The following ABCC10 variants were observed in gnomAD, a reference collection of about 807,000 sequenced individuals.
The protein encoded by ABCC10 is ATP-binding cassette sub-family C member 10.
In ABCC10, 110 loss-of-function variants were observed where a neutral mutation model predicts 143.2. That is an observed-to-expected ratio of 0.77 (90% CI 0.66 to 0.90). ABCC10 has a LOEUF of 0.90. ABCC10 is among the 40% of genes least tolerant of loss of function. The pLI is 0.00. For synonymous variants in ABCC10, 805 were observed against 846.7 expected (o/e 0.95, Z 0.85); for missense variants, 1,700 against 1,900.5 (o/e 0.89, Z 1.96).
At chr6:43,451,208 G>A (rs1040040579), downstream of ABCC10, 1 of 1,614,200 alleles carries the variant, frequency 6.2e-7, no homozygotes, top group East Asian at 2.2e-5. The surrounding 1 kb of genome is among the most constrained non-coding windows in gnomAD (Gnocchi z 4.4). Flanking sequence ...CCACCAAGCA[G>A]CGGCACGTGA....
chr6:43,435,681 C>A, intron 4 of ABCC10, 70 bp from the exon 5 acceptor site: 1 of 1,557,112 alleles, frequency 6.4e-7, no homozygotes. Context: ...TAGACCTGTC[C>A]ACAGGGCTTC....
At chr6:43,451,768 A>C (rs1014724495), downstream of ABCC10, among the ~76,000 whole-genome samples, 2 of 152,158 alleles carry the variant, frequency 1.3e-5, no homozygotes, top group Non-Finnish European at 2.9e-5. This position sits in a 1 kb window ranked among gnomAD's most constrained non-coding sequence, Gnocchi z 4.4. Flanking sequence ...ACAAAAAAAA[A>C]AGTTGAGAAA....
rs1215005943 is a variant in ABCC10 at position 43,428,131 on chromosome 6, C to T, written c.153C>T (p.Gly51=). 1 of 1,537,132 alleles carries T rather than the reference C, an allele frequency of 6.5e-7. No individual in the cohort carries two copies. The highest frequency in any genetic ancestry group is 2.0e-5 in the Admixed American group (1 of 50,756). Residue 51 remains glycine, a synonymous_variant, in exon 2 of 22, where the codon GGC becomes GGT. Transcript: ENST00000372530. ...LLAVLSACYL[G]TPRSPDYILP... is the part of the protein sequence containing the mutation. Reference sequence around the variant, plus strand: ...CCGTGCTCAGTGCCTGTTACTTGGGCACCCCGAGGTGGGTAGAGACGGGCG... The same window carrying T: ...CCGTGCTCAGTGCCTGTTACTTGGGTACCCCGAGGTGGGTAGAGACGGGCG...
In ABCC10 at chr6:43,428,039, G is replaced by A. The variant is rs1413662600; in HGVS notation, c.61G>A (p.Glu21Lys). ...SSAAWPLPLW[E>K]GDTTGHCFTQ... Reference sequence around the variant, plus strand: ...CGCAGCGTGGCCGCTCCCGCTGTGGGAGGGGGACACCACAGGCCACTGCTT... The same window carrying A: ...CGCAGCGTGGCCGCTCCCGCTGTGGAAGGGGGACACCACAGGCCACTGCTT... Residue 21 changes from glutamate to lysine, a missense_variant, in exon 2 of 22, where the codon GAG becomes AAG. Transcript: ENST00000372530. 2 of 1,603,688 alleles carry A rather than the reference G, an allele frequency of 1.2e-6. No individual in the cohort carries two copies. Among genetic ancestry groups the A allele is most frequent in the Non-Finnish European group, 1.7e-6 (2 of 1,176,134 alleles).
chr6:43,447,928 C>T lies in ABCC10; in HGVS notation c.3950C>T (p.Ala1317Val), dbSNP rs1231013885. ...DGVDTSQLELAQLRSQLAIIP... is the reference protein window; with the variant it reads ...DGVDTSQLELVQLRSQLAIIP... ...GTGGACACCAGCCAGCTGGAGCTGG[C>T]CCAGCTCAGGTCTGGGGGAGATGGA... is the stretch of plus-strand genomic sequence containing the variant. Residue 1317 changes from alanine (A) to valine (V), a missense_variant, in exon 18 of 22, where the codon GCC becomes GTC. Physicochemically the swap from Ala to Val is moderately conservative, Grantham distance 64. Coordinates refer to ENST00000372530, the MANE Select transcript of ABCC10 (RefSeq NM_001198934.2). The T allele has an allele frequency of 6.2e-7, 1 of 1,613,088 alleles. No individual in the cohort carries two copies. The highest frequency in any genetic ancestry group is 8.5e-7 in the Non-Finnish European group (1 of 1,179,988).
In ABCC10 at chr6:43,447,708, G is replaced by A. The variant is rs771655318; in HGVS notation, c.3730G>A (p.Gly1244Arg). 10 of 1,614,018 alleles carry A rather than the reference G, an allele frequency of 6.2e-6. No homozygotes were observed. The highest frequency in any genetic ancestry group is 1.6e-4 in the Middle Eastern group (1 of 6,084). Residue 1244 changes from glycine (G) to arginine (R), a missense_variant, in exon 18 of 22, where the codon GGG becomes AGG. Coordinates refer to ENST00000372530, the MANE Select transcript of ABCC10 (RefSeq NM_001198934.2). The stretch of plus-strand genomic sequence containing the variant: ...GCTGGGCACCGGCTGGCTGACCCAG[G>A]GGGGCGTGGAGTTCCAGGACGTGGT... ...LQLGTGWLTQ[G>R]GVEFQDVVLA... is the part of the protein sequence containing the mutation.
chr6:43,447,237 C>A lies in ABCC10; in HGVS notation c.3545-11C>A. On this transcript the variant is annotated splice_polypyrimidine_tract_variant and intron_variant, in intron 16 of 21. Coordinates refer to ENST00000372530, the MANE Select transcript of ABCC10 (RefSeq NM_001198934.2). The stretch of plus-strand genomic sequence containing the variant: ...CAAGCTCTCCCAGCAGCTGGTACTT[C>A]TCTCCCCCAGGGCTGGTGGGCTTGT... 1 of 1,610,796 alleles carries A rather than the reference C, an allele frequency of 6.2e-7. No individual in the cohort carries two copies. Among genetic ancestry groups the A allele is most frequent in the Non-Finnish European group, 8.5e-7 (1 of 1,178,640 alleles).
At chr6:43,438,148 T>G in intron 7 of ABCC10, 135 bp downstream of exon 7, 1 of 1,079,862 alleles carries the variant, frequency 9.3e-7, no homozygotes, top group Non-Finnish European at 1.3e-6. Flanking sequence ...TGGGAGAGTT[T>G]TCAATCTGGA....
chr6:43,448,570 G>A (rs1193864011), intron 18 of ABCC10, among the ~76,000 whole-genome samples: 1 of 152,182 alleles, frequency 6.6e-6, no homozygotes, highest in African/African-American at 2.4e-5. Flanking sequence ...GCCACCCCTG[G>A]AGTCAGTGCC....
At chr6:43,442,054 TTAGC>T in intron 9 of ABCC10, 94 bp downstream of exon 9, 3 of 1,088,160 alleles carry the variant, frequency 2.8e-6, no homozygotes, top group Non-Finnish European at 4.1e-6. Flanking sequence ...AATATTTTCC[TTAGC>T]ATCTGGTTCC....
chr6:43,446,010 G>A (rs576626835), intron 15 of ABCC10, 68 bp downstream of exon 15: 3 of 1,491,472 alleles, frequency 2.0e-6, no homozygotes, highest in South Asian at 2.5e-5. Flanking sequence ...CCCAAGAAGA[G>A]GAATATGCAG....
chr6:43,444,123 C>A lies in ABCC10; in HGVS notation c.2495-36C>A, dbSNP rs771192515. 3.7e-6 allele frequency: 6 copies of A among 1,610,966 alleles called. No homozygotes were observed. The African/African-American group carries it at 4.0e-5, about 11-fold the overall frequency. ...TACTGAGTTTTCAGCTGGCACCCTG[C>A]AAGCTTAATTCTTCCATGACCCCTG... On this transcript the variant is annotated intron_variant, in intron 11 of 21. Transcript: ENST00000372530.
intron 6 of ABCC10, among the ~76,000 whole-genome samples, chr6:43,436,734 T>C (rs1453733671): frequency 6.6e-6 from 1 of 152,188 alleles, no homozygotes; most frequent in African/African-American, 2.4e-5. Flanking sequence ...CAACTCCTGT[T>C]CACCTCCTGT....
At chr6:43,440,877 T>C (rs2499404) in intron 8 of ABCC10, among the ~76,000 whole-genome samples, 4 of 135,274 alleles carry the variant, frequency 3.0e-5, no homozygotes, top group Non-Finnish European at 6.1e-5. Flanking sequence ...AAAAAAAAAA[T>C]ACCAGACCAC....
rs748925933 is a variant in ABCC10, at chr6:43,444,863, C to T, written c.2765C>T (p.Ala922Val). 16 of 1,613,898 alleles carry T rather than the reference C, an allele frequency of 9.9e-6. No homozygotes were observed. Among genetic ancestry groups the T allele is most frequent in the South Asian group, 3.3e-5 (3 of 91,070 alleles). Residue 922 changes from alanine to valine, a missense_variant, in exon 13 of 22, where the codon GCG becomes GTG. By Grantham distance (64) the Ala-to-Val change is moderately conservative. Transcript: ENST00000372530. ...AAGGCTGAGAATAGCTCCCAGGAGG[C>T]GCAACCCTCCACCAGCCCAGCTTCT... Reference protein sequence around the residue: ...QLKAENSSQEAQPSTSPASMG... With the variant: ...QLKAENSSQEVQPSTSPASMG...
At chr6:43,445,999 C>G in intron 15 of ABCC10, 57 bp downstream of exon 15, 1 of 1,530,486 alleles carries the variant, frequency 6.5e-7, no homozygotes, top group Non-Finnish European at 8.9e-7. Context: ...AAAGAGAGAC[C>G]CCCAAGAAGA....
chr6:43,441,901 G>C lies in ABCC10; in HGVS notation c.2167G>C (p.Gly723Arg), dbSNP rs369352994. The C allele has an allele frequency of 3.9e-5, 63 of 1,613,764 alleles. No homozygotes were observed. The highest frequency in any genetic ancestry group is 5.3e-5 in the Non-Finnish European group (62 of 1,179,918). ...AGDQTEVGEK[G>R]VTLSGGQRAR... ...AGACCAGACAGAGGTGGGGGAGAAG[G>C]GTGTCACCCTTAGCGGAGGACAGCG... Residue 723 changes from glycine to arginine, a missense_variant, in exon 9 of 22, where the codon GGT becomes CGT. Transcript: ENST00000372530.
rs763215687 is a variant in ABCC10 at position 43,443,998 on chromosome 6, G to A, written c.2482G>A (p.Glu828Lys). ...CAAAGCCTGGGCTGAGAATGGACAA[G>A]AGTCTGACTCAGGTATGGCTCCCCA... ...VPKAWAENGQ[E>K]SDSATAQSVQ... Residue 828 changes from glutamate (E) to lysine (K), a missense_variant, in exon 11 of 22, where the codon GAG (glutamate) becomes AAG (lysine). By Grantham distance (56) the Glu-to-Lys change is moderately conservative. Coordinates refer to ENST00000372530, the MANE Select transcript of ABCC10 (RefSeq NM_001198934.2). The surrounding 1 kb of genome is among the most constrained non-coding windows in gnomAD (Gnocchi z 4.2). 5.6e-6 allele frequency: 9 copies of A among 1,614,116 alleles called. No individual in the cohort carries two copies. Among genetic ancestry groups the A allele is most frequent in the African/African-American group, 1.3e-5 (1 of 75,042 alleles).
In ABCC10 at chr6:43,436,179, G is replaced by A. The variant is rs1347754576; in HGVS notation, c.1807G>A (p.Ala603Thr). The change falls in exon 6 of 22, where the codon GCC becomes ACC. Residue 603 changes from alanine to threonine, a missense_variant. Ala to Thr is a moderately conservative substitution (Grantham distance 58). Transcript: ENST00000372530. ...ATCTACAGTATTGGAGCTGCATGGA[G>A]CCTTGTTCTCCTGGGACCCAGTTGG... ...EPSTVLELHG[A>T]LFSWDPVGTS... 1 of 1,614,204 alleles carries A rather than the reference G, an allele frequency of 6.2e-7. No individual in the cohort carries two copies. The highest frequency in any genetic ancestry group is 1.1e-5 in the South Asian group (1 of 91,080).
Sources: allele counts gnomAD v4.1 joint callset (sites outside exome capture counted in the v4.1 genomes callset), GRCh38; gene constraint gnomAD v4.1.1; non-coding constraint Gnocchi (gnomAD v3.1); transcripts MANE v1.5; gene names NCBI Gene and HGNC (gene_info 2026-07-23, HGNC 2026-07-21).